Variants in ZFAT observed in about 807,000 individuals in gnomAD.
ZFAT encodes zinc finger and AT-hook domain containing, also known as zinc finger protein ZFAT.
ZFAT carries 64 observed loss-of-function variants against 117.7 expected under a neutral mutation model. The observed-to-expected ratio is 0.54, with a 90% CI of 0.44 to 0.67. The LOEUF (loss-of-function observed/expected upper bound fraction) is 0.67, where lower values mean the gene tolerates loss of function less well. Among genes scored for constraint, ZFAT ranks in the 30% least tolerant of loss-of-function variants. The pLI, the probability that ZFAT is intolerant of heterozygous loss-of-function variation, is 0.00. For missense variants in ZFAT, 1,433 were observed against 1,584.5 expected (o/e 0.90, Z 1.62); for synonymous variants, 679 against 615.0 (o/e 1.10, Z -1.54).
intron 1 of ZFAT, among the ~76,000 whole-genome samples, chr8:134,703,975 T>C (rs572159046): frequency 2.2e-4 from 34 of 152,326 alleles, no homozygotes; most frequent in Middle Eastern, 6.8e-3. Flanking sequence ...TCCTCCTCTA[T>C]GAAAACTCTA....
intron 2 of ZFAT, among the ~76,000 whole-genome samples, chr8:134,653,476 GC>G (rs1455855552): frequency 1.5e-5 from 2 of 134,730 alleles, no homozygotes; most frequent in African/African-American, 2.8e-5. Context: ...TGTTGCACAG[GC>G]TGGTCTCAAA....
At chr8:134,787,469 C>T in the ZFAT span, among the ~76,000 whole-genome samples, 27 of 152,192 alleles carry the variant, frequency 1.8e-4, no homozygotes, top group Non-Finnish European at 2.4e-4. Flanking sequence ...TGGATCACCA[C>T]GTATACAGAA....
At position 134,502,115 on chromosome 8, in the gene ZFAT, C is replaced by G. The variant is rs1019218780; in HGVS notation, c.3492+7504G>C. On this transcript the variant is annotated intron_variant, in intron 15 of 15. Coordinates refer to ENST00000377838, the MANE Select transcript of ZFAT (RefSeq NM_020863.4). ...TTTTGAAGCCTCATAGAGTCACTTTCTAGATCCCCCCTCCTCATTATTTCA... is the reference window on the plus strand; with the variant it reads ...TTTTGAAGCCTCATAGAGTCACTTTGTAGATCCCCCCTCCTCATTATTTCA... 7.8e-4 allele frequency among the ~76,000 whole-genome samples: 118 copies of G among 152,178 alleles called. 2 individuals carry two copies. The highest frequency in any genetic ancestry group is 2.7e-3 in the African/African-American group (112 of 41,432).
intron 15 of ZFAT, among the ~76,000 whole-genome samples, chr8:134,480,720 T>C (rs1817241265): frequency 6.6e-6 from 1 of 152,100 alleles, no homozygotes; most frequent in Non-Finnish European, 1.5e-5. Flanking sequence ...GCAGCCTCCA[T>C]GAGGTCCCAC....
intron 7 of ZFAT, chr8:134,598,874 G>A (rs6982146): frequency 0.23 from 35,666 of 152,128 alleles, 4,618 homozygotes; most frequent in East Asian, 0.53. Context: ...GTAAACTGAG[G>A]CAAATAGGTC....
the ZFAT span, among the ~76,000 whole-genome samples, chr8:134,761,915 C>T: frequency 1.3e-5 from 2 of 151,830 alleles, no homozygotes; most frequent in African/African-American, 4.8e-5. Flanking sequence ...GGGCCAGATC[C>T]CCTCCTCATG....
chr8:134,659,562 G>A (rs558330928), intron 1 of ZFAT, among the ~76,000 whole-genome samples: 3 of 152,294 alleles, frequency 2.0e-5, no homozygotes, highest in African/African-American at 7.2e-5. Flanking sequence ...CTAGACAAAG[G>A]GTGCATGATG....
At chr8:134,745,444 G>A in the ZFAT span, among the ~76,000 whole-genome samples, 2 of 152,184 alleles carry the variant, frequency 1.3e-5, no homozygotes, top group African/African-American at 2.4e-5. Flanking sequence ...CTGAGTGAAT[G>A]TTCCAGTAAG....
intron 7 of ZFAT, chr8:134,599,409 G>A: frequency 4.3e-6 from 1 of 234,192 alleles, no homozygotes; most frequent in Non-Finnish European, 8.5e-6. Context: ...ATGCATATGT[G>A]TGTGGATGTA....
the ZFAT span, among the ~76,000 whole-genome samples, chr8:134,721,865 C>G: frequency 4.6e-5 from 7 of 152,202 alleles, no homozygotes; most frequent in Non-Finnish European, 7.3e-5. Context: ...ATGACCTCAG[C>G]CCTCACAGTT....
intron 2 of ZFAT, among the ~76,000 whole-genome samples, chr8:134,644,785 GCAAT>G (rs1401575041): frequency 1.3e-5 from 2 of 150,416 alleles, no homozygotes; most frequent in African/African-American, 2.5e-5. Context: ...GCCCAGATAT[GCAAT>G]CACACACATG....
At chr8:134,730,256 G>C in the ZFAT span, among the ~76,000 whole-genome samples, 2,969 of 152,322 alleles carry the variant, frequency 0.019, 84 homozygotes, top group African/African-American at 0.066. Flanking sequence ...AAGGCCCAAC[G>C]TACTCCTCCC....
rs1403706390 is a variant in ZFAT at position 134,674,113 on chromosome 8, A to AG, written c.20-16377dup. 7.2e-5 allele frequency among the ~76,000 whole-genome samples: 11 copies of AG among 152,330 alleles called. No homozygotes were observed. In the East Asian group the frequency reaches 2.1e-3, roughly 29 times the overall value. On this transcript the variant is annotated intron_variant, in intron 1 of 15. Transcript: ENST00000377838. ...TGGTTGGACAGTGGGTGTACCCCAG[A>AG]GGGCAAGCCAAAGCAAGGTGGGGCA...
the ZFAT span, among the ~76,000 whole-genome samples, chr8:134,732,930 C>T: frequency 6.6e-6 from 1 of 152,138 alleles, no homozygotes; most frequent in Admixed American, 6.5e-5. Context: ...CAGGAGATTC[C>T]TCACAAAGAG....
chr8:134,661,825 G>A (rs1380018354), intron 1 of ZFAT, among the ~76,000 whole-genome samples: 3 of 152,194 alleles, frequency 2.0e-5, no homozygotes, highest in Admixed American at 6.5e-5. Flanking sequence ...GTGGTTGTGG[G>A]CAGGACATCA....
chr8:134,680,102 A>C lies in ZFAT; in HGVS notation c.20-22365T>G, dbSNP rs565238361. Among the ~76,000 whole-genome samples, 107 of 151,926 alleles carry C rather than the reference A, an allele frequency of 7.0e-4. 1 individual carries two copies. Among genetic ancestry groups the C allele is most frequent in the African/African-American group, 2.4e-3 (98 of 41,394 alleles). On this transcript the variant is annotated intron_variant, in intron 1 of 15. Coordinates refer to ENST00000377838, the MANE Select transcript of ZFAT (RefSeq NM_020863.4). ...AACTTAAAGTATAATTAAAAAAAAA[A>C]ACAGAAAAAATTAGCCAGGCAAGGT...
chr8:134,816,928 C>A, the ZFAT span, among the ~76,000 whole-genome samples: 1 of 148,306 alleles, frequency 6.7e-6, no homozygotes, highest in Non-Finnish European at 1.5e-5. Context: ...TTGCAGTGAG[C>A]AGAGATCATG....
chr8:134,716,864 G>C (rs1814215760), upstream of ZFAT, among the ~76,000 whole-genome samples: 1 of 152,136 alleles, frequency 6.6e-6, no homozygotes, highest in Non-Finnish European at 1.5e-5. Context: ...GGTAGATATG[G>C]GGTCCTATTT....
the ZFAT span, among the ~76,000 whole-genome samples, chr8:134,831,816 G>A: frequency 2.0e-5 from 3 of 151,952 alleles, no homozygotes; most frequent in South Asian, 4.2e-4. Context: ...CGACCCTGAG[G>A]GACGGGGGCG....
Sources: allele counts gnomAD v4.1 joint callset (sites outside exome capture counted in the v4.1 genomes callset), GRCh38; gene constraint gnomAD v4.1.1; transcripts MANE v1.5; gene names NCBI Gene and HGNC (gene_info 2026-07-23, HGNC 2026-07-21).